The following PALM2AKAP2 variants were observed in gnomAD, a reference collection of about 807,000 sequenced individuals.
PALM2AKAP2 encodes PALM2 and AKAP2 fusion, also known as PALM2-AKAP2 fusion protein.
In PALM2AKAP2, 37 loss-of-function variants were observed where a neutral mutation model predicts 71.5. The ratio of observed to expected loss-of-function variants is 0.52; its 90% CI spans 0.40 to 0.68. PALM2AKAP2 has a LOEUF of 0.68. Among genes scored for constraint, PALM2AKAP2 ranks in the 30% least tolerant of loss-of-function variants. The pLI is 0.00. For synonymous variants in PALM2AKAP2, 468 were observed against 478.8 expected (o/e 0.98, Z 0.29); for missense variants, 1,224 against 1,191.8 (o/e 1.03, Z -0.40).
chr9:110,163,849 A>G (rs1449308502), intron 3 of PALM2AKAP2, among the ~76,000 whole-genome samples: 1 of 152,170 alleles, frequency 6.6e-6, no homozygotes, highest in African/African-American at 2.4e-5. Context: ...GAATGTTATT[A>G]TACATGTCTC....
At chr9:109,874,628 A>T (rs1829679032) in intron 2 of PALM2AKAP2, among the ~76,000 whole-genome samples, 1 of 152,210 alleles carries the variant, frequency 6.6e-6, no homozygotes, top group Non-Finnish European at 1.5e-5. Flanking sequence ...TTCCATGTTC[A>T]ACTGCTTTTC....
rs1334642825 is a variant in PALM2AKAP2 at position 109,929,886 on chromosome 9, A to AAG, written c.395-2033_395-2032dup. Among the ~76,000 whole-genome samples the AAG allele has an allele frequency of 3.4e-5, 5 of 147,428 alleles. No homozygotes were observed. The South Asian group carries it at 6.5e-4, about 19-fold the overall frequency. ...TTCAAAAAAAAAAAAAAAAAAAAAA[A>AAG]AGAGAGAGAATCATGGAGGTGCAGT... On this transcript the variant is annotated intron_variant, in intron 5 of 9. Coordinates refer to the PALM2AKAP2 transcript ENST00000302798.
At chr9:110,168,437 A>G in exon 4 of PALM2AKAP2, 1 of 1,614,180 alleles carries the variant, frequency 6.2e-7, no homozygotes, top group African/African-American at 1.3e-5. Flanking sequence ...GAAAGAGCGC[A>G]CTGGCTTTGC....
intron 1 of PALM2AKAP2, among the ~76,000 whole-genome samples, chr9:109,767,674 G>T (rs997750395): frequency 6.6e-6 from 1 of 152,140 alleles, no homozygotes; most frequent in African/African-American, 2.4e-5. Context: ...CTCCATCGCT[G>T]GCTTCATTCG....
At chr9:110,079,812 G>A (rs1256762883) in intron 1 of PALM2AKAP2, among the ~76,000 whole-genome samples, 1 of 152,106 alleles carries the variant, frequency 6.6e-6, no homozygotes, top group Non-Finnish European at 1.5e-5. Context: ...GCTCACGCCT[G>A]TAATCTCACC....
At chr9:109,869,009 G>A (rs908965153) in intron 2 of PALM2AKAP2, among the ~76,000 whole-genome samples, 2 of 152,172 alleles carry the variant, frequency 1.3e-5, no homozygotes, top group Non-Finnish European at 2.9e-5. Context: ...CATTCAGTAC[G>A]GTGCTTGTAA....
At chr9:110,046,936 TATAA>T (rs971641516), upstream of PALM2AKAP2, among the ~76,000 whole-genome samples, 8 of 152,164 alleles carry the variant, frequency 5.3e-5, no homozygotes, top group African/African-American at 1.2e-4. Context: ...CTATGGTCCA[TATAA>T]ATAAATAAGT....
intron 1 of PALM2AKAP2, among the ~76,000 whole-genome samples, chr9:110,108,330 C>T (rs748668701): frequency 6.6e-6 from 1 of 151,970 alleles, no homozygotes; most frequent in Non-Finnish European, 1.5e-5. Flanking sequence ...CCAGGCTGGT[C>T]CTGAACTCCT....
At chr9:109,761,811 G>A (rs1829058105) in intron 1 of PALM2AKAP2, among the ~76,000 whole-genome samples, 1 of 152,124 alleles carries the variant, frequency 6.6e-6, no homozygotes, top group Non-Finnish European at 1.5e-5. Flanking sequence ...CTTTGCTATT[G>A]TAAATAGTGC....
chr9:109,691,832 C>CGATA (rs1827889415), intron 1 of PALM2AKAP2, among the ~76,000 whole-genome samples: 1 of 36,386 alleles, frequency 2.7e-5, no homozygotes, highest in Non-Finnish European at 5.3e-5. Flanking sequence ...TCCAGAAAGA[C>CGATA]GATATATATA....
chr9:109,777,601 G>A (rs1210281013), upstream of PALM2AKAP2, among the ~76,000 whole-genome samples: 1 of 152,110 alleles, frequency 6.6e-6, no homozygotes, highest in East Asian at 1.9e-4. Context: ...ACATTCACTT[G>A]GTAGCAGTCA....
intron 1 of PALM2AKAP2, among the ~76,000 whole-genome samples, chr9:110,050,254 C>G (rs1833684090): frequency 6.6e-6 from 1 of 152,230 alleles, no homozygotes; most frequent in Non-Finnish European, 1.5e-5. Flanking sequence ...TCTATCCCAA[C>G]TCCCGTTTCA....
rs763985242 is a variant in PALM2AKAP2, at chr9:110,137,111, C to G, written c.1141C>G (p.Pro381Ala). 2.5e-6 allele frequency: 4 copies of G among 1,613,308 alleles called. No individual in the cohort carries two copies. The African/African-American group carries it at 5.3e-5, about 22-fold the overall frequency. Residue 381 changes from proline (P) to alanine (A), a missense_variant, in exon 2 of 4, where the codon CCA becomes GCA. By Grantham distance (27) the Pro-to-Ala change is conservative (BLOSUM62 -1). Transcript: ENST00000374525. The stretch of plus-strand genomic sequence containing the variant: ...GTTACAGCAGCAGCAGCAGCAGCCC[C>G]CATCGCAGCTCTGCACAGCCCCTGC...
At chr9:110,044,060 A>G (rs144265667), upstream of PALM2AKAP2, among the ~76,000 whole-genome samples, 1 of 151,744 alleles carries the variant, frequency 6.6e-6, no homozygotes, top group East Asian at 1.9e-4. Flanking sequence ...GTTTTCTTCA[A>G]TTTTCTTATT....
At chr9:109,660,564 T>C (rs1827377845) in intron 1 of PALM2AKAP2, among the ~76,000 whole-genome samples, 1 of 151,076 alleles carries the variant, frequency 6.6e-6, no homozygotes, top group Non-Finnish European at 1.5e-5. Flanking sequence ...CCATGGTGTA[T>C]ATGTGCCACA....
intron 1 of PALM2AKAP2, among the ~76,000 whole-genome samples, chr9:109,832,689 C>A (rs1411316896): frequency 6.6e-6 from 1 of 152,206 alleles, no homozygotes; most frequent in East Asian, 1.9e-4. Flanking sequence ...ATCCAGAAAA[C>A]TTCTCAGCCA....
At chr9:109,814,744 C>T (rs1827809981) in intron 1 of PALM2AKAP2, among the ~76,000 whole-genome samples, 1 of 152,194 alleles carries the variant, frequency 6.6e-6, no homozygotes, top group Non-Finnish European at 1.5e-5. Flanking sequence ...ACATGTATAT[C>T]TGACACCAAG....
At chr9:110,137,572 T>G in exon 2 of PALM2AKAP2, 1 of 1,614,206 alleles carries the variant, frequency 6.2e-7, no homozygotes, top group Non-Finnish European at 8.5e-7. Flanking sequence ...CTGTCCTCAC[T>G]GTGGTCAAGG....
At chr9:109,840,127 A>G (rs962218135) in intron 1 of PALM2AKAP2, among the ~76,000 whole-genome samples, 12 of 152,252 alleles carry the variant, frequency 7.9e-5, no homozygotes, top group Non-Finnish European at 1.8e-4. Context: ...CTACAAGGCT[A>G]TAGTAACCAA....
Sources: gnomAD v4.1 joint callset for allele counts (sites outside exome capture counted in the v4.1 genomes callset) on GRCh38, gnomAD v4.1.1 for gene constraint, MANE v1.5 for transcripts, NCBI Gene and HGNC (gene_info 2026-07-23, HGNC 2026-07-21) for gene names.